SCFD2: variants seen among roughly 807,000 people sequenced by gnomAD.
SCFD2 encodes the protein sec1 family domain-containing protein 2.
Under a neutral mutation model 58.9 loss-of-function variants are expected in SCFD2, and 54 were observed. That is an observed-to-expected ratio of 0.92 (90% CI 0.74 to 1.15). SCFD2 has a LOEUF of 1.15. Among genes scored for constraint, SCFD2 ranks in the 50% most tolerant of loss-of-function variants. The probability of loss-of-function intolerance (pLI) is 0.00; values close to 1 mark genes in which losing one functional copy is unlikely to be tolerated. For synonymous variants in SCFD2, 321 were observed against 335.9 expected (o/e 0.96, Z 0.49); for missense variants, 805 against 836.6 (o/e 0.96, Z 0.47).
intron 5 of SCFD2, among the ~76,000 whole-genome samples, chr4:52,965,231 A>G (rs535306954): frequency 5.3e-4 from 80 of 152,300 alleles, no homozygotes; most frequent in African/African-American, 1.8e-3. Context: ...TAGGTAGACT[A>G]TAAAAGCCCC....
chr4:52,924,070 A>G (rs1370905771), intron 5 of SCFD2, among the ~76,000 whole-genome samples: 1 of 152,204 alleles, frequency 6.6e-6, no homozygotes, highest in African/African-American at 2.4e-5. Context: ...AGTTCCTCTA[A>G]AAGTCAATCC....
At chr4:53,114,626 T>G (rs1349886975) in intron 5 of SCFD2, among the ~76,000 whole-genome samples, 3 of 152,090 alleles carry the variant, frequency 2.0e-5, no homozygotes, top group Non-Finnish European at 4.4e-5. Flanking sequence ...ATGAAAACAT[T>G]TTTCAGAATT....
At chr4:53,248,194 C>T (rs148181182) in intron 4 of SCFD2, among the ~76,000 whole-genome samples, 3 of 152,314 alleles carry the variant, frequency 2.0e-5, no homozygotes, top group Admixed American at 1.3e-4. Context: ...CCACTCCCAC[C>T]CAAATACTGC....
At chr4:52,917,494 A>G (rs1055337984) in intron 6 of SCFD2, among the ~76,000 whole-genome samples, 1 of 152,148 alleles carries the variant, frequency 6.6e-6, no homozygotes, top group African/African-American at 2.4e-5. Flanking sequence ...CCATCTAGCC[A>G]TCCATCTACC....
intron 3 of SCFD2, among the ~76,000 whole-genome samples, chr4:53,310,093 C>T (rs1340556523): frequency 3.3e-5 from 5 of 152,106 alleles, no homozygotes; most frequent in African/African-American, 1.2e-4. Context: ...GTAGTGAATG[C>T]TGCAAAGAGG....
chr4:53,296,947 C>A (rs527490699), intron 3 of SCFD2, among the ~76,000 whole-genome samples: 17 of 152,050 alleles, frequency 1.1e-4, no homozygotes, highest in African/African-American at 3.4e-4. Flanking sequence ...GTTGTGTGGT[C>A]TTGAGTGAGT....
intron 4 of SCFD2, among the ~76,000 whole-genome samples, chr4:53,253,230 C>T (rs1490834501): frequency 1.3e-5 from 2 of 152,152 alleles, no homozygotes; most frequent in African/African-American, 4.8e-5. Flanking sequence ...ATCAAAAAGT[C>T]AGGAAACAAC....
intron 5 of SCFD2, among the ~76,000 whole-genome samples, chr4:53,121,825 A>G (rs920444635): frequency 2.0e-5 from 3 of 152,176 alleles, no homozygotes; most frequent in African/African-American, 7.2e-5. Flanking sequence ...CTAATTGGTT[A>G]TGACTGGTAC....
At chr4:52,970,730 C>A (rs1721078453) in intron 5 of SCFD2, among the ~76,000 whole-genome samples, 1 of 152,234 alleles carries the variant, frequency 6.6e-6, no homozygotes, top group South Asian at 2.1e-4. Flanking sequence ...TTAAGTGGGT[C>A]CCTGACCCCC....
chr4:53,174,814 C>T (rs1727280229), intron 4 of SCFD2, among the ~76,000 whole-genome samples: 1 of 152,162 alleles, frequency 6.6e-6, no homozygotes, highest in South Asian at 2.1e-4. Flanking sequence ...ATACCCACAC[C>T]TCACCCCTTG....
At chr4:52,992,636 G>A (rs6843225) in intron 5 of SCFD2, among the ~76,000 whole-genome samples, 65,239 of 150,486 alleles carry the variant, frequency 0.43, 14,298 homozygotes, top group African/African-American at 0.47. Context: ...CCTCTGCCCC[G>A]CCACCCCTTC....
At chr4:53,024,028 C>T (rs1722410643) in intron 5 of SCFD2, among the ~76,000 whole-genome samples, 1 of 152,268 alleles carries the variant, frequency 6.6e-6, no homozygotes, top group South Asian at 2.1e-4. Context: ...TGGCTTGGAA[C>T]ACAAACTCCA....
At chr4:53,002,583 C>G (rs567326022) in intron 5 of SCFD2, among the ~76,000 whole-genome samples, 3 of 152,290 alleles carry the variant, frequency 2.0e-5, no homozygotes, top group African/African-American at 7.2e-5. Context: ...ATTTCTTGAG[C>G]CCCTCCTATG....
chr4:52,954,872 C>G (rs914812519), intron 5 of SCFD2, among the ~76,000 whole-genome samples: 2 of 152,138 alleles, frequency 1.3e-5, no homozygotes, highest in Admixed American at 1.3e-4. Context: ...AGGCTCTGTC[C>G]TCCCTCAAGA....
At chr4:52,946,835 G>C (rs1180494884) in intron 5 of SCFD2, among the ~76,000 whole-genome samples, 1 of 152,132 alleles carries the variant, frequency 6.6e-6, no homozygotes, top group Non-Finnish European at 1.5e-5. Context: ...TGGTTGGAAA[G>C]CTGGGAGGAT....
In SCFD2 at chr4:53,239,397, T is replaced by TGAGAGGGAGAGG. The variant is rs369278015; in HGVS notation, c.1311+34417_1311+34428dup. On this transcript the variant is annotated intron_variant, in intron 4 of 8. Coordinates refer to ENST00000401642, the MANE Select transcript of SCFD2 (RefSeq NM_152540.4). Reference sequence around the variant, plus strand: ...AGGGAGAGGGAGACCGTGGGGAGAGTGAGAGGGAGAGGGAGAGGGAGAGGA... The same window carrying TGAGAGGGAGAGG: ...AGGGAGAGGGAGACCGTGGGGAGAGTGAGAGGGAGAGGGAGAGGGAGAGGGAGAGGGAGAGGA... Among the ~76,000 whole-genome samples the TGAGAGGGAGAGG allele has an allele frequency of 5.1e-4, 49 of 96,706 alleles. 1 individual carries two copies. The highest frequency in any genetic ancestry group is 2.0e-3 in the South Asian group (5 of 2,464). The allele number at this position is 96,706 out of a possible 152,430, so 63.4% of individuals were successfully genotyped here. A position where few individuals can be genotyped will look rare whatever the true frequency, so the allele number is the denominator to read the frequency against.
intron 5 of SCFD2, among the ~76,000 whole-genome samples, chr4:53,063,932 T>A (rs146951446): frequency 6.6e-6 from 1 of 152,086 alleles, no homozygotes; most frequent in Admixed American, 6.6e-5. Context: ...GGATTTACTA[T>A]CATTTGTAGC....
chr4:53,330,848 C>A (rs1241171672), intron 2 of SCFD2, among the ~76,000 whole-genome samples: 1 of 151,926 alleles, frequency 6.6e-6, no homozygotes, highest in African/African-American at 2.4e-5. Flanking sequence ...ATTCAGGAAA[C>A]CCATCTCACG....
At chr4:53,010,318 G>C (rs546531579) in intron 5 of SCFD2, among the ~76,000 whole-genome samples, 33 of 152,270 alleles carry the variant, frequency 2.2e-4, no homozygotes, top group African/African-American at 7.5e-4. Flanking sequence ...TCTATGAACT[G>C]TTTCTTAGGG....
Sources: gnomAD v4.1 joint callset for allele counts (sites outside exome capture counted in the v4.1 genomes callset) on GRCh38, gnomAD v4.1.1 for gene constraint, MANE v1.5 for transcripts, NCBI Gene and HGNC (gene_info 2026-07-23, HGNC 2026-07-21) for gene names.